RASAL2: variants seen among roughly 807,000 people sequenced by gnomAD.
RASAL2 encodes the protein RAS protein activator like 2.
In RASAL2, 58 loss-of-function variants were observed where a neutral mutation model predicts 128.9. The ratio of observed to expected loss-of-function variants is 0.45; its 90% CI spans 0.36 to 0.56. The LOEUF is 0.56. Among genes scored for constraint, RASAL2 ranks in the 20% least tolerant of loss-of-function variants. RASAL2 has a pLI of 0.00. For synonymous variants in RASAL2, 561 were observed against 580.8 expected (o/e 0.97, Z 0.49); for missense variants, 1,360 against 1,601.6 (o/e 0.85, Z 2.57).
intron 2 of RASAL2, among the ~76,000 whole-genome samples, chr1:178,286,480 G>A (rs529217980): frequency 2.6e-4 from 40 of 151,964 alleles, no homozygotes; most frequent in African/African-American, 9.4e-4. Flanking sequence ...GTGCCATCTC[G>A]GCTCACTGCA....
At chr1:178,392,325 G>T (rs1343457414) in intron 4 of RASAL2, among the ~76,000 whole-genome samples, 1 of 152,102 alleles carries the variant, frequency 6.6e-6, no homozygotes, top group Non-Finnish European at 1.5e-5. Context: ...AGTACTCCAG[G>T]CTGTGGGAAT....
chr1:178,195,989 A>G (rs140363567), intron 1 of RASAL2, among the ~76,000 whole-genome samples: 106 of 152,276 alleles, frequency 7.0e-4, no homozygotes, highest in African/African-American at 2.3e-3. Flanking sequence ...TAAATCTACT[A>G]TCCCAAGACC....
At chr1:178,446,107 T>C (rs1356992877) in intron 9 of RASAL2, among the ~76,000 whole-genome samples, 1 of 152,244 alleles carries the variant, frequency 6.6e-6, no homozygotes, top group Non-Finnish European at 1.5e-5. Flanking sequence ...AATTTCTGCC[T>C]TTCTCTAGAA....
intron 1 of RASAL2, among the ~76,000 whole-genome samples, chr1:178,116,614 AT>A (rs1659526950): frequency 6.6e-6 from 1 of 151,184 alleles, no homozygotes; most frequent in Non-Finnish European, 1.5e-5. Context: ...ATTTTATTTT[AT>A]TTTATTTTTT....
intron 2 of RASAL2, among the ~76,000 whole-genome samples, chr1:178,296,668 A>ATTTTTT (rs1160539560): frequency 1.8e-5 from 2 of 113,750 alleles, no homozygotes; most frequent in Non-Finnish European, 3.7e-5. Context: ...CCTGGCCTTG[A>ATTTTTT]TTTTTTTTTT....
intron 4 of RASAL2, among the ~76,000 whole-genome samples, chr1:178,408,612 G>GTTTTTTTTTTTTTTTTTTTTTTTTT (rs756656921): frequency 1.4e-5 from 2 of 142,482 alleles, no homozygotes; most frequent in Admixed American, 6.8e-5. Flanking sequence ...GTTTTTTTTT[G>GTTTTTTTTTTTTTTTTTTTTTTTTT]TTTTTTGTTT....
intron 5 of RASAL2, among the ~76,000 whole-genome samples, chr1:178,421,713 A>G (rs1210712837): frequency 6.6e-6 from 1 of 151,932 alleles, no homozygotes; most frequent in Non-Finnish European, 1.5e-5. Flanking sequence ...AAATAAAATT[A>G]TAGATTTGCC....
At chr1:178,315,360 G>C (rs1268851429) in intron 3 of RASAL2, among the ~76,000 whole-genome samples, 1 of 139,068 alleles carries the variant, frequency 7.2e-6, no homozygotes, top group East Asian at 2.0e-4. Context: ...CTGAGGAATC[G>C]CCACACTGAC....
At chr1:178,358,606 C>A (rs565193462) in intron 3 of RASAL2, among the ~76,000 whole-genome samples, 1 of 152,206 alleles carries the variant, frequency 6.6e-6, no homozygotes. Flanking sequence ...CAAAATCAAC[C>A]ATCTTATCTT....
chr1:178,319,717 A>G (rs1011990154), intron 3 of RASAL2, among the ~76,000 whole-genome samples: 1 of 151,662 alleles, frequency 6.6e-6, no homozygotes, highest in African/African-American at 2.4e-5. Context: ...CAAAGTTTTC[A>G]ACTTCTTTGC....
chr1:178,350,458 T>A (rs2102436125), intron 3 of RASAL2, among the ~76,000 whole-genome samples: 1 of 152,316 alleles, frequency 6.6e-6, no homozygotes, highest in Non-Finnish European at 1.5e-5. Context: ...GGTCTCAAAC[T>A]CCTGAGTTCA....
chr1:178,255,816 T>G (rs1665318756), intron 1 of RASAL2, among the ~76,000 whole-genome samples: 1 of 151,392 alleles, frequency 6.6e-6, no homozygotes, highest in Non-Finnish European at 1.5e-5. Flanking sequence ...AAACAAAAGG[T>G]AAAATAGTAG....
At chr1:178,281,147 A>T (rs978693229) in intron 1 of RASAL2, among the ~76,000 whole-genome samples, 1 of 151,988 alleles carries the variant, frequency 6.6e-6, no homozygotes, top group African/African-American at 2.4e-5. Flanking sequence ...CTTGGTATAC[A>T]TTCTCATAAA....
intron 1 of RASAL2, among the ~76,000 whole-genome samples, chr1:178,097,399 C>G (rs933773680): frequency 6.6e-6 from 1 of 152,188 alleles, no homozygotes; most frequent in Non-Finnish European, 1.5e-5. Flanking sequence ...CAGGCATTAA[C>G]CAAGCCCTTA....
intron 1 of RASAL2, among the ~76,000 whole-genome samples, chr1:178,136,680 C>T (rs1660334607): frequency 7.1e-6 from 1 of 140,848 alleles, no homozygotes; most frequent in East Asian, 2.1e-4. Flanking sequence ...TTCCTTGAAC[C>T]TGTTGTGGGG....
intron 1 of RASAL2, among the ~76,000 whole-genome samples, chr1:178,256,137 C>G (rs1249459860): frequency 1.3e-5 from 2 of 152,124 alleles, no homozygotes; most frequent in Non-Finnish European, 2.9e-5. Context: ...TTGAATCCAG[C>G]AACATCTAAG....
intron 1 of RASAL2, among the ~76,000 whole-genome samples, chr1:178,151,459 G>A (rs1418378274): frequency 2.6e-5 from 4 of 152,120 alleles, no homozygotes; most frequent in Non-Finnish European, 5.9e-5. Flanking sequence ...CATTAAACAA[G>A]ATTATGTATT....
At chr1:178,400,428 GC>G (rs1230657845) in intron 4 of RASAL2, among the ~76,000 whole-genome samples, 3 of 152,032 alleles carry the variant, frequency 2.0e-5, no homozygotes, top group African/African-American at 7.2e-5. Flanking sequence ...ATTAACCTTG[GC>G]CGTCTCTGTC....
At chr1:178,468,888 T>C (rs1374852983) in intron 17 of RASAL2, among the ~76,000 whole-genome samples, 2 of 152,224 alleles carry the variant, frequency 1.3e-5, no homozygotes, top group Admixed American at 6.5e-5. Flanking sequence ...GTTTTCACTT[T>C]GGAAATTTCA....
Sources: gnomAD v4.1 joint callset for allele counts (sites outside exome capture counted in the v4.1 genomes callset) on GRCh38, gnomAD v4.1.1 for gene constraint, MANE v1.5 for transcripts, NCBI Gene and HGNC (gene_info 2026-07-23, HGNC 2026-07-21) for gene names.